NRXN1: variants seen among roughly 807,000 people sequenced by gnomAD.
NRXN1 encodes the protein neurexin 1, also known as neurexin-1.
A neutral mutation model predicts 150.9 loss-of-function variants in NRXN1; 39 were observed. That is an observed-to-expected ratio of 0.26 (90% CI 0.20 to 0.34). NRXN1 has a LOEUF of 0.34. Among genes scored for constraint, NRXN1 ranks in the 10% least tolerant of loss-of-function variants. The pLI is 1.00. For synonymous variants in NRXN1, 924 were observed against 757.0 expected (o/e 1.22, Z -3.62); for missense variants, 1,815 against 1,949.9 (o/e 0.93, Z 1.30).
In NRXN1 at chr2:50,374,277, T is replaced by A. The variant is rs1244976879; in HGVS notation, c.3364+91165A>T. Among the ~76,000 whole-genome samples the A allele has an allele frequency of 2.7e-5, 4 of 149,216 alleles. No individual in the cohort carries two copies. The East Asian group carries it at 8.0e-4, about 30-fold the overall frequency. ...TTGTGCTCCAGCATGGAGGACAGAG[T>A]GAGACTCTGTCTCAAGAAAATAAAT... On this transcript the variant is annotated intron_variant, in intron 17 of 22. Transcript: ENST00000401669.
chr2:49,947,312 A>T (rs1398226724), intron 21 of NRXN1, among the ~76,000 whole-genome samples: 3 of 151,886 alleles, frequency 2.0e-5, no homozygotes, highest in Non-Finnish European at 4.4e-5. Flanking sequence ...AATTCTTTAA[A>T]CCAATGGCTC....
At chr2:50,681,761 T>A (rs965001339) in intron 5 of NRXN1, among the ~76,000 whole-genome samples, 4 of 152,216 alleles carry the variant, frequency 2.6e-5, no homozygotes, top group African/African-American at 9.6e-5. Flanking sequence ...AGCCATGCCA[T>A]TTTTATAACT....
At chr2:51,024,902 C>A (rs2105307499) in intron 2 of NRXN1, among the ~76,000 whole-genome samples, 1 of 152,206 alleles carries the variant, frequency 6.6e-6, no homozygotes, top group African/African-American at 2.4e-5. Flanking sequence ...ACATGGCAGA[C>A]AATGTACATA....
intron 12 of NRXN1, among the ~76,000 whole-genome samples, chr2:50,515,510 G>A (rs1274831456): frequency 2.6e-5 from 4 of 151,612 alleles, no homozygotes; most frequent in Admixed American, 1.3e-4. Flanking sequence ...CAAATCAATT[G>A]CAAAGTCCTT....
At chr2:50,133,738 T>C (rs1705927815) in intron 18 of NRXN1, among the ~76,000 whole-genome samples, 1 of 152,174 alleles carries the variant, frequency 6.6e-6, no homozygotes, top group Admixed American at 6.5e-5. Flanking sequence ...CATAGACTTC[T>C]GGAGCAAGAA....
chr2:50,673,907 T>C (rs1189044876), intron 5 of NRXN1, among the ~76,000 whole-genome samples: 18 of 151,996 alleles, frequency 1.2e-4, no homozygotes, highest in Admixed American at 1.2e-3. Flanking sequence ...CGGATGAAGC[T>C]GGAAACCATC....
intron 18 of NRXN1, among the ~76,000 whole-genome samples, chr2:50,128,190 C>A (rs962168504): frequency 5.9e-5 from 9 of 152,026 alleles, no homozygotes; most frequent in Middle Eastern, 3.2e-3. Context: ...ATGGTAGGAG[C>A]TATAGGTGAA....
intron 5 of NRXN1, among the ~76,000 whole-genome samples, chr2:50,631,881 A>G: frequency 6.6e-6 from 1 of 151,974 alleles, no homozygotes; most frequent in Non-Finnish European, 1.5e-5. Flanking sequence ...TGTAATCTAT[A>G]AGAACTAGAT....
At chr2:50,624,196 T>C (rs545867618) in intron 5 of NRXN1, among the ~76,000 whole-genome samples, 1 of 152,292 alleles carries the variant, frequency 6.6e-6, no homozygotes, top group South Asian at 2.1e-4. Context: ...ATATACACCA[T>C]GGAATACTAG....
chr2:50,064,474 T>A (rs1251631343), intron 19 of NRXN1, among the ~76,000 whole-genome samples: 1 of 151,434 alleles, frequency 6.6e-6, no homozygotes, highest in Non-Finnish European at 1.5e-5. Flanking sequence ...ATCATGACAA[T>A]CTTTGATTTG....
At chr2:50,239,075 G>A (rs2065745912) in intron 17 of NRXN1, among the ~76,000 whole-genome samples, 2 of 151,830 alleles carry the variant, frequency 1.3e-5, no homozygotes, top group Admixed American at 1.3e-4. Context: ...AGCCACTTAT[G>A]TTCTACATCC....
chr2:50,610,642 C>CATACATATATATATAT (rs1553879967), intron 8 of NRXN1, among the ~76,000 whole-genome samples: 10 of 42,872 alleles, frequency 2.3e-4, no homozygotes, highest in African/African-American at 7.5e-4. Context: ...TAAATAGATA[C>CATACATATATATATAT]ATATATATAT....
At chr2:50,813,293 C>A (rs1301082847) in intron 5 of NRXN1, among the ~76,000 whole-genome samples, 7 of 152,004 alleles carry the variant, frequency 4.6e-5, no homozygotes, top group African/African-American at 1.7e-4. Flanking sequence ...TTACCATTTT[C>A]TTTTTTGTTA....
At chr2:50,924,659 A>G (rs1007508326) in intron 3 of NRXN1, among the ~76,000 whole-genome samples, 1 of 151,778 alleles carries the variant, frequency 6.6e-6, no homozygotes, top group Non-Finnish European at 1.5e-5. Flanking sequence ...AATTAAAATT[A>G]TAGTATACAA....
At chr2:50,352,577 A>AC (rs942846549) in intron 17 of NRXN1, among the ~76,000 whole-genome samples, 2 of 151,636 alleles carry the variant, frequency 1.3e-5, no homozygotes, top group African/African-American at 4.8e-5. Context: ...AGATAAGCAG[A>AC]CCCCACATAT....
At chr2:50,185,484 T>C (rs1404540866) in intron 18 of NRXN1, 2 of 152,038 alleles carry the variant, frequency 1.3e-5, no homozygotes, top group East Asian at 3.9e-4. Context: ...TCTTCCTAAG[T>C]GGGGCCATGT....
In NRXN1 at chr2:50,470,061, T is replaced by C. The variant is rs140882393; in HGVS notation, c.3244+2237A>G. Among the ~76,000 whole-genome samples, 91 of 151,794 alleles carry C rather than the reference T, an allele frequency of 6.0e-4. No individual in the cohort carries two copies. The East Asian group carries it at 0.013, about 22-fold the overall frequency. On this transcript the variant is annotated intron_variant, in intron 16 of 22. Coordinates refer to ENST00000401669, the MANE Select transcript of NRXN1 (RefSeq NM_001330078.2). The stretch of plus-strand genomic sequence containing the variant: ...TGTTTGCCTCTTATTTTCTATCTCA[T>C]TGGGTATATCTGCCTGCTCTCACCA...
rs1270153045 is a variant in NRXN1, at chr2:50,532,375, GCTT to G, written c.2144-948_2144-946del. On this transcript the variant is annotated intron_variant, in intron 10 of 22. Transcript: ENST00000401669. ...TTAAAAGAAAAAAAAAAGAAATATA[GCTT>G]AACTATAGGAACTAGGCCAATACTT... Among the ~76,000 whole-genome samples the G allele has an allele frequency of 1.5e-4, 12 of 82,312 alleles. No individual in the cohort carries two copies. The South Asian group carries it at 3.3e-3, about 22-fold the overall frequency. The allele number at this position is 82,312 out of a possible 152,430, so 54.0% of individuals were successfully genotyped here. A position where few individuals can be genotyped will look rare whatever the true frequency, so the allele number is the denominator to read the frequency against.
chr2:50,522,719 C>CT (rs1323306682), intron 12 of NRXN1, among the ~76,000 whole-genome samples: 11 of 86,552 alleles, frequency 1.3e-4, no homozygotes, highest in Admixed American at 8.9e-4. Context: ...TATTTTTATT[C>CT]ATTTTTTTTT....
Sources: gnomAD v4.1 joint callset for allele counts (sites outside exome capture counted in the v4.1 genomes callset) on GRCh38, gnomAD v4.1.1 for gene constraint, MANE v1.5 for transcripts, NCBI Gene and HGNC (gene_info 2026-07-23, HGNC 2026-07-21) for gene names.